CCDC85C: variants seen among roughly 807,000 people sequenced by gnomAD.
CCDC85C encodes coiled-coil domain-containing protein 85C.
A neutral mutation model predicts 38.3 loss-of-function variants in CCDC85C; 18 were observed. The ratio of observed to expected loss-of-function variants is 0.47; its 90% CI spans 0.33 to 0.70. The LOEUF (loss-of-function observed/expected upper bound fraction) is 0.70, where lower values mean the gene tolerates loss of function less well. Among genes scored for constraint, CCDC85C ranks in the 30% least tolerant of loss-of-function variants. The pLI is 0.03. For synonymous variants in CCDC85C, 264 were observed against 293.8 expected, an observed-to-expected ratio of 0.90 and a Z score of 1.04; for missense variants, 566 against 621.2, an observed-to-expected ratio of 0.91 and a Z score of 0.94.
chr14:99,532,457 G>T (rs1897511072), intron 2 of CCDC85C, among the ~76,000 whole-genome samples: 1 of 152,194 alleles, frequency 6.6e-6, no homozygotes, highest in Non-Finnish European at 1.5e-5. Context: ...AGACTGGCCT[G>T]CCAGCCCTGC....
At chr14:99,557,309 C>G (rs546018618) in intron 1 of CCDC85C, among the ~76,000 whole-genome samples, 1 of 152,160 alleles carries the variant, frequency 6.6e-6, no homozygotes, top group East Asian at 1.9e-4. Context: ...TCTCAGAGAT[C>G]GTCTACCAGG....
intron 1 of CCDC85C, among the ~76,000 whole-genome samples, chr14:99,541,879 C>A (rs1012122563): frequency 6.6e-6 from 1 of 152,210 alleles, no homozygotes; most frequent in Non-Finnish European, 1.5e-5. Context: ...CATGGTGACA[C>A]ATGGTGACAC....
intron 1 of CCDC85C, among the ~76,000 whole-genome samples, chr14:99,596,342 C>T (rs77380931): frequency 3.3e-5 from 5 of 152,174 alleles, no homozygotes; most frequent in African/African-American, 1.2e-4. Flanking sequence ...ATGTCTCTGC[C>T]GTTGAGGAAT....
chr14:99,502,890 A>AC lies in CCDC85C; in HGVS notation c.*12355dup. ...GAACCATCCCAGCCCCAGCAGAAGG[A>AC]CCCCCAGCAACCAGCCCAGCAGCAG... is the stretch of plus-strand genomic sequence containing the variant. On this transcript the variant is annotated 3_prime_UTR_variant, in exon 6 of 6. Transcript: ENST00000380243. 1 of 1,613,218 alleles carries AC rather than the reference A, an allele frequency of 6.2e-7. No homozygotes were observed. The highest frequency in any genetic ancestry group is 8.5e-7 in the Non-Finnish European group (1 of 1,179,596).
At chr14:99,531,171 T>C (rs115341339) in intron 2 of CCDC85C, among the ~76,000 whole-genome samples, 5,278 of 151,484 alleles carry the variant, frequency 0.035, 335 homozygotes, top group African/African-American at 0.12. Context: ...AGGAGGAGGG[T>C]GGGCTGGGGG....
At position 99,591,699 on chromosome 14, in the gene CCDC85C, T is replaced by C. The variant is rs118092637; in HGVS notation, c.793+11468A>G. 6.6e-3 allele frequency among the ~76,000 whole-genome samples: 1,001 copies of C among 151,270 alleles called. 3 individuals carry two copies. Among genetic ancestry groups the C allele is most frequent in the Non-Finnish European group, 7.7e-3 (521 of 67,876 alleles). On this transcript the variant is annotated intron_variant, in intron 1 of 5. Coordinates refer to ENST00000380243, the MANE Select transcript of CCDC85C (RefSeq NM_001144995.2). ...TGGGGAGGTGGCAGGAAGCCCCGAC[T>C]CCATACTCAGGTGTCAGGTTTCTTG...
At chr14:99,602,328 G>A (rs1392750151) in intron 1 of CCDC85C, among the ~76,000 whole-genome samples, 1 of 152,230 alleles carries the variant, frequency 6.6e-6, no homozygotes, top group Non-Finnish European at 1.5e-5. Flanking sequence ...GTAGAAGACA[G>A]AAGCTGACAG....
intron 1 of CCDC85C, among the ~76,000 whole-genome samples, chr14:99,590,632 A>G (rs1026079267): frequency 6.6e-6 from 1 of 152,126 alleles, no homozygotes; most frequent in African/African-American, 2.4e-5. Context: ...AAGAAACCAG[A>G]AGGGGCTTTC....
intron 1 of CCDC85C, among the ~76,000 whole-genome samples, chr14:99,542,075 G>A (rs1174714980): frequency 1.3e-5 from 2 of 152,208 alleles, no homozygotes; most frequent in African/African-American, 2.4e-5. Flanking sequence ...GCCTCCATCG[G>A]GGCTCCTGCC....
chr14:99,535,099 A>G lies in CCDC85C; in HGVS notation c.867+916T>C, dbSNP rs1007419881. ...GCCTCCCAGCAGCCGCCCAGTGGGCAGAGAGGGTGCCGTGGAATTCCTGAG... is the reference window on the plus strand; with the variant it reads ...GCCTCCCAGCAGCCGCCCAGTGGGCGGAGAGGGTGCCGTGGAATTCCTGAG... On this transcript the variant is annotated intron_variant, in intron 2 of 5. Transcript: ENST00000380243. This position sits in a 1 kb window ranked among gnomAD's most constrained non-coding sequence, Gnocchi z 5.5. 1 of 199,606 alleles carries G rather than the reference A, an allele frequency of 5.0e-6. No homozygotes were observed. Among genetic ancestry groups the G allele is most frequent in the African/African-American group, 2.4e-5 (1 of 42,382 alleles). 12.4% of individuals were successfully genotyped at this position (199,606 alleles called of 1,614,324 possible).
Position 99,553,087 on chromosome 14 carries a change from C to T in CCDC85C, c.794-16999G>A, listed in dbSNP as rs181963716. Among the ~76,000 whole-genome samples the T allele has an allele frequency of 7.2e-5, 11 of 152,326 alleles. No homozygotes were observed. In the East Asian group the frequency reaches 2.1e-3, roughly 29 times the overall value. On this transcript the variant is annotated intron_variant, in intron 1 of 5. Coordinates refer to ENST00000380243, the MANE Select transcript of CCDC85C (RefSeq NM_001144995.2). The stretch of plus-strand genomic sequence containing the variant: ...AGCTGGGCCTCTGTAATCACAGAAA[C>T]ACTGGTCTCACATCACAGCTGTGTG...
At position 99,595,220 on chromosome 14, in the gene CCDC85C, G is replaced by A. The variant is rs75963883; in HGVS notation, c.793+7947C>T. Among the ~76,000 whole-genome samples, 968 of 152,088 alleles carry A rather than the reference G, an allele frequency of 6.4e-3. 12 individuals are homozygous for A. Among genetic ancestry groups the A allele is most frequent in the African/African-American group, 0.022 (912 of 41,516 alleles). On this transcript the variant is annotated intron_variant, in intron 1 of 5. Transcript: ENST00000380243. ...AAATGCCCACCGCATGACTTTGCTC[G>A]GCTCTTCTTTTTGTTTTGGTTTCGT...
In CCDC85C at chr14:99,507,053, TC is replaced by T. The variant is rs1246904337; in HGVS notation, c.*8192del. 1.3e-6 allele frequency: 2 copies of T among 1,484,140 alleles called. No individual in the cohort carries two copies. The highest frequency in any genetic ancestry group is 3.3e-5 in the Admixed American group (2 of 59,856). 91.9% of individuals were successfully genotyped at this position (1,484,140 alleles called of 1,614,324 possible). A position where few individuals can be genotyped will look rare whatever the true frequency, so the allele number is the denominator to read the frequency against. The stretch of plus-strand genomic sequence containing the variant: ...TCATGTGAAGAAGTATGAGTGGTTT[TC>T]TAATCTGCTTTTTCTTTGTAGAACC... On this transcript the variant is annotated 3_prime_UTR_variant, in exon 6 of 6. Transcript: ENST00000380243.
In CCDC85C at chr14:99,567,413, C is replaced by T. The variant is rs143428274; in HGVS notation, c.794-31325G>A. ...ACAACCAGGGGAGGCATGGTGGTGC[C>T]GAGACCCCATCAGGGCACCTGCAGT... On this transcript the variant is annotated intron_variant, in intron 1 of 5. Transcript: ENST00000380243. Among the ~76,000 whole-genome samples the T allele has an allele frequency of 2.9e-3, 445 of 152,230 alleles. 1 individual carries two copies. The highest frequency in any genetic ancestry group is 4.8e-3 in the Non-Finnish European group (324 of 68,014).
chr14:99,597,628 G>A (rs1461702805), intron 1 of CCDC85C, among the ~76,000 whole-genome samples: 10 of 152,178 alleles, frequency 6.6e-5, no homozygotes, highest in Admixed American at 6.5e-4. Flanking sequence ...CTGTGGGGCT[G>A]CCCACAGCAC....
At chr14:99,532,581 A>G (rs890674081) in intron 2 of CCDC85C, among the ~76,000 whole-genome samples, 4 of 152,088 alleles carry the variant, frequency 2.6e-5, no homozygotes, top group Non-Finnish European at 5.9e-5. Context: ...AGGATCCCCA[A>G]AAAGCTGGCG....
intron 1 of CCDC85C, among the ~76,000 whole-genome samples, chr14:99,581,143 A>G (rs1300538774): frequency 1.3e-5 from 2 of 151,950 alleles, no homozygotes; most frequent in African/African-American, 4.8e-5. Context: ...GGAGGGTGAA[A>G]CCCCACCATC....
chr14:99,542,751 C>T (rs531548901), intron 1 of CCDC85C, among the ~76,000 whole-genome samples: 14 of 152,372 alleles, frequency 9.2e-5, no homozygotes, highest in African/African-American at 3.4e-4. Context: ...GCTGCTTCAT[C>T]CCGAGGTGGC....
Position 99,604,054 on chromosome 14 carries a change from G to T in CCDC85C, c.-95C>A. On this transcript the variant is annotated 5_prime_UTR_variant, in exon 1 of 6. Transcript: ENST00000380243. ...TGGGCCGGTCCGCGCGCGGGCGGGG[G>T]GCGGCCGGGGGCGCGTGCGGCCCGC... The T allele has an allele frequency of 2.1e-6, 2 of 975,420 alleles. No homozygotes were observed. Among genetic ancestry groups the T allele is most frequent in the Non-Finnish European group, 1.2e-6 (1 of 824,692 alleles). 60.4% of individuals were successfully genotyped at this position (975,420 alleles called of 1,614,324 possible). A position where few individuals can be genotyped will look rare whatever the true frequency, so the allele number is the denominator to read the frequency against.
Sources: gnomAD v4.1 joint callset for allele counts (sites outside exome capture counted in the v4.1 genomes callset) on GRCh38, gnomAD v4.1.1 for gene constraint, Gnocchi (gnomAD v3.1) non-coding constraint, MANE v1.5 for transcripts, NCBI Gene and HGNC (gene_info 2026-07-23, HGNC 2026-07-21) for gene names.